SPATA6: variants seen among roughly 807,000 people sequenced by gnomAD.
The protein encoded by SPATA6 is spermatogenesis-associated protein 6.
SPATA6 carries 56 observed loss-of-function variants against 65.3 expected under a neutral mutation model. The ratio of observed to expected loss-of-function variants is 0.86; its 90% confidence interval spans 0.69 to 1.07. SPATA6 has a LOEUF of 1.07. SPATA6 is among the 50% of genes least tolerant of loss of function. The pLI, the probability that SPATA6 is intolerant of heterozygous loss-of-function variation, is 0.00. For synonymous variants in SPATA6, 199 were observed against 213.2 expected, an observed-to-expected ratio of 0.93 and a Z score of 0.58; for missense variants, 590 against 594.8, an observed-to-expected ratio of 0.99 and a Z score of 0.08.
intron 8 of SPATA6, among the ~76,000 whole-genome samples, chr1:48,389,405 A>C (rs1649821838): frequency 6.6e-6 from 1 of 152,222 alleles, no homozygotes; most frequent in African/African-American, 2.4e-5. Flanking sequence ...CTATCAAGAG[A>C]CTAGACATTC....
intron 11 of SPATA6, among the ~76,000 whole-genome samples, chr1:48,350,089 C>T (rs1326477114): frequency 2.6e-5 from 4 of 151,762 alleles, no homozygotes; most frequent in African/African-American, 9.7e-5. Context: ...ATGGGAGTTC[C>T]TATTATTCCA....
In SPATA6 at chr1:48,459,810, AT is replaced by A. The variant is rs1314904040; in HGVS notation, c.52-6680del. On this transcript the variant is annotated intron_variant, in intron 1 of 12. Transcript: ENST00000371847. ...AATGAAATTAAACTAGAAATCAGTA[AT>A]GGGAAAATATCTGAAAAAAATACCT... Among the ~76,000 whole-genome samples, 4 of 152,334 alleles carry A rather than the reference AT, an allele frequency of 2.6e-5. No homozygotes were observed. The East Asian group carries it at 5.8e-4, about 22-fold the overall frequency.
the SPATA6 span, among the ~76,000 whole-genome samples, chr1:48,279,959 G>C: frequency 6.6e-6 from 1 of 152,080 alleles, no homozygotes; most frequent in Non-Finnish European, 1.5e-5. Context: ...AAATGTAAAA[G>C]AACAGAAATT....
intron 1 of SPATA6, among the ~76,000 whole-genome samples, chr1:48,464,643 G>C (rs1205268178): frequency 6.6e-6 from 1 of 152,102 alleles, no homozygotes; most frequent in African/African-American, 2.4e-5. Flanking sequence ...AAATTGGTTA[G>C]ACATAAAAGA....
chr1:48,330,467 G>A (rs535193133), intron 11 of SPATA6, among the ~76,000 whole-genome samples: 10 of 152,150 alleles, frequency 6.6e-5, no homozygotes, highest in Non-Finnish European at 1.2e-4. Context: ...TAGTATCCAG[G>A]TAGGCAACAA....
At chr1:48,394,719 AT>A (rs1430527766) in intron 8 of SPATA6, among the ~76,000 whole-genome samples, 2 of 151,992 alleles carry the variant, frequency 1.3e-5, no homozygotes, top group Non-Finnish European at 2.9e-5. Flanking sequence ...TATGTAGTAA[AT>A]TAACTTTAAA....
At chr1:48,285,214 C>T in the SPATA6 span, among the ~76,000 whole-genome samples, 2 of 152,266 alleles carry the variant, frequency 1.3e-5, no homozygotes, top group African/African-American at 4.8e-5. Flanking sequence ...TTCCCGGCAG[C>T]TTTGTTTACA....
At chr1:48,469,111 G>A (rs1449036794) in intron 1 of SPATA6, among the ~76,000 whole-genome samples, 1 of 152,082 alleles carries the variant, frequency 6.6e-6, no homozygotes, top group Non-Finnish European at 1.5e-5. Context: ...GGAACTACAG[G>A]TGCCTGTCAT....
At chr1:48,289,419 T>C in the SPATA6 span, among the ~76,000 whole-genome samples, 1 of 152,062 alleles carries the variant, frequency 6.6e-6, no homozygotes. Context: ...AAGCTGAAAA[T>C]TCTAAAACTC....
At chr1:48,353,715 T>G (rs1646578342) in intron 11 of SPATA6, among the ~76,000 whole-genome samples, 1 of 151,826 alleles carries the variant, frequency 6.6e-6, no homozygotes, top group Admixed American at 6.6e-5. Context: ...TCTATAATCA[T>G]GAGACTTGAA....
At chr1:48,464,637 T>C (rs576868538) in intron 1 of SPATA6, among the ~76,000 whole-genome samples, 1 of 152,250 alleles carries the variant, frequency 6.6e-6, no homozygotes, top group South Asian at 2.1e-4. Flanking sequence ...TCCCACAAAT[T>C]GGTTAGACAT....
chr1:48,436,212 G>A (rs1020598809), intron 3 of SPATA6: 84 of 1,612,772 alleles, frequency 5.2e-5, no homozygotes, highest in East Asian at 2.0e-4. Flanking sequence ...ATACTCCCAC[G>A]GGAACACTGG....
intron 9 of SPATA6, among the ~76,000 whole-genome samples, chr1:48,363,123 C>T (rs2148825623): frequency 6.6e-6 from 1 of 152,136 alleles, no homozygotes; most frequent in African/African-American, 2.4e-5. Context: ...TGTATTCCTT[C>T]CATGGAATTA....
At chr1:48,454,026 T>C (rs1656811026) in intron 1 of SPATA6, among the ~76,000 whole-genome samples, 1 of 150,562 alleles carries the variant, frequency 6.6e-6, no homozygotes, top group African/African-American at 2.4e-5. Flanking sequence ...TTTTTTTAGA[T>C]GGGGTCTCGC....
At chr1:48,352,324 T>G (rs906191783) in intron 11 of SPATA6, among the ~76,000 whole-genome samples, 19 of 152,014 alleles carry the variant, frequency 1.2e-4, no homozygotes, top group African/African-American at 4.6e-4. Context: ...GAGACTTGAG[T>G]GGGCACACAG....
At chr1:48,269,940 A>G in the SPATA6 span, among the ~76,000 whole-genome samples, 1 of 152,070 alleles carries the variant, frequency 6.6e-6, no homozygotes, top group East Asian at 1.9e-4. Flanking sequence ...TTGATCAATG[A>G]AAGTCTCTAA....
chr1:48,441,328 G>A (rs1655449438), intron 3 of SPATA6, among the ~76,000 whole-genome samples: 1 of 151,718 alleles, frequency 6.6e-6, no homozygotes, highest in African/African-American at 2.4e-5. Flanking sequence ...CCGGACAGCT[G>A]TCCTCAAGGT....
the SPATA6 span, among the ~76,000 whole-genome samples, chr1:48,264,239 T>G: frequency 1.3e-5 from 2 of 152,194 alleles, no homozygotes; most frequent in African/African-American, 2.4e-5. Flanking sequence ...CAAATATTTT[T>G]GGGGGAAGAA....
chr1:48,435,855 C>T, intron 3 of SPATA6: 11 of 1,143,424 alleles, frequency 9.6e-6, no homozygotes, highest in Non-Finnish European at 1.3e-5. Flanking sequence ...GAGTCGCTGG[C>T]CATGGTCGCT....
Sources: allele counts gnomAD v4.1 joint callset (sites outside exome capture counted in the v4.1 genomes callset), GRCh38; gene constraint gnomAD v4.1.1; transcripts MANE v1.5; gene names NCBI Gene and HGNC (gene_info 2026-07-23, HGNC 2026-07-21).